Variants in CCNYL1 observed in about 807,000 individuals in gnomAD.
CCNYL1 encodes the protein cyclin-Y-like protein 1.
CCNYL1 carries 16 observed loss-of-function variants against 44.2 expected under a neutral mutation model. The ratio of observed to expected loss-of-function variants is 0.36; its 90% confidence interval spans 0.25 to 0.55. The LOEUF (loss-of-function observed/expected upper bound fraction) is 0.55, where lower values mean the gene tolerates loss of function less well. Ranked by LOEUF, CCNYL1 falls within the 20% of genes least tolerant of loss-of-function variation. The pLI is 0.85. For missense variants in CCNYL1, 348 were observed against 451.8 expected, an observed-to-expected ratio of 0.77 and a Z score of 2.08; for synonymous variants, 159 against 163.2, an observed-to-expected ratio of 0.97 and a Z score of 0.20.
At chr2:207,732,412 T>G (rs2091735114) in intron 3 of CCNYL1, among the ~76,000 whole-genome samples, 1 of 152,212 alleles carries the variant, frequency 6.6e-6, no homozygotes, top group African/African-American at 2.4e-5. Flanking sequence ...GCTGTTACAC[T>G]GTATGGATAT....
Position 207,715,473 on chromosome 2 carries a change from G to A in CCNYL1, c.220+3357G>A, listed in dbSNP as rs199798615. ...TGGTTCAGTGCAACCTCTTCCTCCC[G>A]TGTTCAAGTGATTCTCCTGCCTCAG... On this transcript the variant is annotated intron_variant, in intron 1 of 9. Coordinates refer to ENST00000295414, the MANE Select transcript of CCNYL1 (RefSeq NM_001330218.2). Among the ~76,000 whole-genome samples the A allele has an allele frequency of 1.3e-4, 17 of 132,612 alleles. No individual in the cohort carries two copies. The East Asian group carries it at 3.7e-3, about 29-fold the overall frequency. The allele number at this position is 132,612 out of a possible 152,430, so 87.0% of individuals were successfully genotyped here.
chr2:207,735,172 A>G (rs1019305715), intron 4 of CCNYL1, among the ~76,000 whole-genome samples: 1 of 152,228 alleles, frequency 6.6e-6, no homozygotes, highest in Non-Finnish European at 1.5e-5. Context: ...TTTTGGAAGT[A>G]CAGTAAGTTT....
At chr2:207,731,013 T>G (rs1169518407) in intron 3 of CCNYL1, among the ~76,000 whole-genome samples, 2 of 152,206 alleles carry the variant, frequency 1.3e-5, no homozygotes, top group African/African-American at 4.8e-5. Context: ...AGACATTTTT[T>G]AGTTATAATA....
chr2:207,748,163 CT>C (rs747883060), intron 8 of CCNYL1, among the ~76,000 whole-genome samples: 10 of 152,120 alleles, frequency 6.6e-5, no homozygotes, highest in Admixed American at 2.6e-4. Context: ...CCCTGTGCCC[CT>C]GACCCCTCCC....
intron 9 of CCNYL1, among the ~76,000 whole-genome samples, chr2:207,752,494 A>C (rs2105843629): frequency 6.6e-6 from 1 of 152,078 alleles, no homozygotes; most frequent in East Asian, 1.9e-4. Context: ...AGATCATGCC[A>C]CTGCACTCCA....
chr2:207,725,438 A>G (rs2091673061), intron 2 of CCNYL1, among the ~76,000 whole-genome samples: 2 of 152,258 alleles, frequency 1.3e-5, no homozygotes, highest in Admixed American at 1.3e-4. Context: ...GGATTTATGC[A>G]TATTTCTCCA....
At chr2:207,734,738 G>A (rs2091752429) in intron 4 of CCNYL1, among the ~76,000 whole-genome samples, 1 of 151,844 alleles carries the variant, frequency 6.6e-6, no homozygotes, top group African/African-American at 2.4e-5. Context: ...AACATAACTA[G>A]CTTATAAACT....
At chr2:207,736,032 T>C (rs2091762313) in intron 4 of CCNYL1, among the ~76,000 whole-genome samples, 1 of 152,220 alleles carries the variant, frequency 6.6e-6, no homozygotes, top group Admixed American at 6.5e-5. Flanking sequence ...CACTGCTTAA[T>C]TGAATGTAGG....
At chr2:207,733,764 C>T (rs1179336411) in intron 3 of CCNYL1, among the ~76,000 whole-genome samples, 183 bp from the exon 4 acceptor site, 1 of 152,232 alleles carries the variant, frequency 6.6e-6, no homozygotes, top group Admixed American at 6.5e-5. Context: ...TCCTCAAACA[C>T]TGTCTGTGGG....
chr2:207,724,012 C>G (rs2091661333), intron 1 of CCNYL1, among the ~76,000 whole-genome samples: 1 of 151,746 alleles, frequency 6.6e-6, no homozygotes, highest in African/African-American at 2.4e-5. Flanking sequence ...TGTAGTCTTG[C>G]CTAAATATAT....
Position 207,724,879 on chromosome 2 carries a change from G to C in CCNYL1, c.295+5G>C. ...TGAGCAAATCTCAAACGGATGGTAA[G>C]ACAATACTGTTTTTTCCTTCCAAGG... On this transcript the variant is annotated splice_donor_5th_base_variant and intron_variant, in intron 2 of 9. Coordinates refer to ENST00000295414, the MANE Select transcript of CCNYL1 (RefSeq NM_001330218.2). The C allele has an allele frequency of 6.2e-7, 1 of 1,604,682 alleles. No individual in the cohort carries two copies. Among genetic ancestry groups the C allele is most frequent in the Non-Finnish European group, 8.5e-7 (1 of 1,174,628 alleles).
rs1437551433 is a variant in CCNYL1, at chr2:207,754,819, A to G, written c.*1121A>G. 1 of 153,970 alleles carries G rather than the reference A, an allele frequency of 6.5e-6. No individual in the cohort carries two copies. The highest frequency in any genetic ancestry group is 2.0e-4 in the East Asian group (1 of 5,114). The allele number at this position is 153,970 out of a possible 1,614,324, so 9.5% of individuals were successfully genotyped here. A position where few individuals can be genotyped will look rare whatever the true frequency, so the allele number is the denominator to read the frequency against. On this transcript the variant is annotated 3_prime_UTR_variant, in exon 10 of 10. Transcript: ENST00000295414. ...CTGTCTCCTGAATATTAAGCTTTTA[A>G]TTTTTTGTTTCGGTCACTCTTGATA...
At chr2:207,721,983 C>T (rs1230494474) in intron 1 of CCNYL1, among the ~76,000 whole-genome samples, 6 of 152,108 alleles carry the variant, frequency 3.9e-5, no homozygotes, top group Non-Finnish European at 8.8e-5. Flanking sequence ...ACCCTAAAAC[C>T]CCTGAGTTGA....
At chr2:207,717,108 CAAA>C (rs1171959044) in intron 1 of CCNYL1, among the ~76,000 whole-genome samples, 8 of 62,152 alleles carry the variant, frequency 1.3e-4, no homozygotes, top group Admixed American at 1.9e-4. Flanking sequence ...GACTCCATCT[CAAA>C]AAAAAAAAAA....
At chr2:207,720,310 C>CT (rs1166662503) in intron 1 of CCNYL1, among the ~76,000 whole-genome samples, 5 of 151,470 alleles carry the variant, frequency 3.3e-5, no homozygotes, top group African/African-American at 4.8e-5. Context: ...TTTTTTCCAC[C>CT]TTTTTTTCAG....
chr2:207,723,631 C>G (rs1575211244), intron 1 of CCNYL1, among the ~76,000 whole-genome samples: 1 of 151,926 alleles, frequency 6.6e-6, no homozygotes, highest in Non-Finnish European at 1.5e-5. Context: ...ATCCCAGCAC[C>G]TTGGGAGGCT....
rs2091887539 is a variant in CCNYL1 at position 207,751,129 on chromosome 2, T to C, written c.969+10T>C. ...AGCACAGAACCTAGAGGTAAGGCTA[T>C]GAAGTCACTAAGTGAGGTTTTCCAT... On this transcript the variant is annotated intron_variant, in intron 9 of 9. Coordinates refer to ENST00000295414, the MANE Select transcript of CCNYL1 (RefSeq NM_001330218.2). 6.2e-7 allele frequency: 1 copy of C among 1,610,104 alleles called. No individual in the cohort carries two copies. The highest frequency in any genetic ancestry group is 1.7e-5 in the Admixed American group (1 of 59,266).
Position 207,743,431 on chromosome 2 carries a change from T to G in CCNYL1, c.639+1089T>G, listed in dbSNP as rs150183021. On this transcript the variant is annotated intron_variant, in intron 7 of 9. Transcript: ENST00000295414. ...AGGAATGAAGAGTTATAGTAGCTGT[T>G]CAAATACAGAGAAAGGTTGCAGAAT... is the stretch of plus-strand genomic sequence containing the variant. Among the ~76,000 whole-genome samples the G allele has an allele frequency of 1.9e-3, 287 of 152,186 alleles. 1 individual carries two copies. The highest frequency in any genetic ancestry group is 6.6e-3 in the African/African-American group (273 of 41,538).
rs113005607 is a variant in CCNYL1, at chr2:207,730,019, G to A, written c.330+3143G>A. Among the ~76,000 whole-genome samples the A allele has an allele frequency of 4.7e-4, 72 of 152,122 alleles. 1 individual carries two copies. The highest frequency in any genetic ancestry group is 1.7e-3 in the African/African-American group (69 of 41,494). ...TGAGTCACTGTGCCCTGCTGGATGCGTCTTTTCTGAGACTGTTCAGTTTCT... is the reference window on the plus strand; with the variant it reads ...TGAGTCACTGTGCCCTGCTGGATGCATCTTTTCTGAGACTGTTCAGTTTCT... On this transcript the variant is annotated intron_variant, in intron 3 of 9. Coordinates refer to ENST00000295414, the MANE Select transcript of CCNYL1 (RefSeq NM_001330218.2).
Sources: gnomAD v4.1 joint callset for allele counts (sites outside exome capture counted in the v4.1 genomes callset) on GRCh38, gnomAD v4.1.1 for gene constraint, MANE v1.5 for transcripts, NCBI Gene and HGNC (gene_info 2026-07-23, HGNC 2026-07-21) for gene names.